CDH13: variants seen among roughly 807,000 people sequenced by gnomAD.
The protein encoded by CDH13 is cadherin 13.
CDH13 carries 24 observed loss-of-function variants against 63.8 expected under a neutral mutation model. That is an observed-to-expected ratio of 0.38 (90% CI 0.27 to 0.53). The LOEUF is 0.53. Among genes scored for constraint, CDH13 ranks in the 20% least tolerant of loss-of-function variants. The pLI is 0.85. For synonymous variants in CDH13, 503 were observed against 355.3 expected (o/e 1.42, Z -4.67); for missense variants, 1,049 against 903.1 (o/e 1.16, Z -2.07).
intron 7 of CDH13, among the ~76,000 whole-genome samples, chr16:83,533,618 CT>C (rs11365656): frequency 0.14 from 16,200 of 115,828 alleles, 829 homozygotes; most frequent in African/African-American, 0.26. Flanking sequence ...TTTACATTAT[CT>C]TTTTTTTTTT....
At chr16:83,517,120 G>T (rs1249529449) in intron 7 of CDH13, among the ~76,000 whole-genome samples, 3 of 152,206 alleles carry the variant, frequency 2.0e-5, no homozygotes, top group African/African-American at 7.2e-5. Context: ...GCTGATCCCA[G>T]AGAGACTACA....
chr16:83,366,465 G>A (rs192267806), intron 6 of CDH13, among the ~76,000 whole-genome samples: 3 of 152,212 alleles, frequency 2.0e-5, no homozygotes, highest in Admixed American at 6.5e-5. Flanking sequence ...AAGTCACATC[G>A]CTGCTTGCCA....
chr16:83,520,625 G>A (rs1187522511), intron 7 of CDH13, among the ~76,000 whole-genome samples: 5 of 152,130 alleles, frequency 3.3e-5, no homozygotes, highest in South Asian at 2.1e-4. Flanking sequence ...ATAATTTTGC[G>A]GAAGTGTTTA....
chr16:83,448,050 AG>A lies in CDH13; in HGVS notation c.782-38426del, dbSNP rs1223865040. Among the ~76,000 whole-genome samples the A allele has an allele frequency of 3.9e-5, 6 of 152,300 alleles. No individual in the cohort carries two copies. The East Asian group carries it at 1.2e-3, about 29-fold the overall frequency. Reference sequence around the variant, plus strand: ...GTACTTCCAAGGGAATGAGAGGAAAAGCACAGTGTTTAGCTGAGATAGGGGT... The same window carrying A: ...GTACTTCCAAGGGAATGAGAGGAAAACACAGTGTTTAGCTGAGATAGGGGT... On this transcript the variant is annotated intron_variant, in intron 6 of 13. Transcript: ENST00000567109.
intron 2 of CDH13, among the ~76,000 whole-genome samples, chr16:82,983,067 G>T (rs980014146): frequency 6.6e-6 from 1 of 152,120 alleles, no homozygotes; most frequent in Non-Finnish European, 1.5e-5. Flanking sequence ...TTGGGCTGAC[G>T]CTATGGTTTT....
At chr16:82,975,510 G>T (rs934348815) in intron 2 of CDH13, among the ~76,000 whole-genome samples, 1 of 152,214 alleles carries the variant, frequency 6.6e-6, no homozygotes, top group African/African-American at 2.4e-5. Context: ...TCTGCTCATA[G>T]GACTGCCATG....
At chr16:82,912,521 G>T (rs182944646) in intron 2 of CDH13, among the ~76,000 whole-genome samples, 2 of 152,208 alleles carry the variant, frequency 1.3e-5, no homozygotes, top group East Asian at 3.9e-4. Flanking sequence ...TAAAGTAAAT[G>T]AGTGATGACT....
intron 2 of CDH13, among the ~76,000 whole-genome samples, chr16:82,882,457 G>T (rs1250616821): frequency 6.6e-6 from 1 of 152,198 alleles, no homozygotes; most frequent in Non-Finnish European, 1.5e-5. Flanking sequence ...ATGCGTATCA[G>T]GCAGACCTGG....
At chr16:83,530,927 G>C (rs1268845693) in intron 7 of CDH13, among the ~76,000 whole-genome samples, 1 of 152,148 alleles carries the variant, frequency 6.6e-6, no homozygotes, top group African/African-American at 2.4e-5. Flanking sequence ...TCAAATATCG[G>C]TTCCTTCATG....
At chr16:83,297,685 G>T (rs957620940) in intron 5 of CDH13, among the ~76,000 whole-genome samples, 1 of 152,172 alleles carries the variant, frequency 6.6e-6, no homozygotes, top group African/African-American at 2.4e-5. Flanking sequence ...ACCAGTCAAG[G>T]AGATTTCAGT....
intron 8 of CDH13, among the ~76,000 whole-genome samples, chr16:83,625,802 GC>G (rs1434961472): frequency 2.0e-5 from 3 of 152,160 alleles, no homozygotes; most frequent in Non-Finnish European, 4.4e-5. Context: ...AGGTACCTCA[GC>G]CCAAAGTCTG....
chr16:83,769,949 TACATG>T (rs1357111589), intron 11 of CDH13, among the ~76,000 whole-genome samples: 3 of 152,132 alleles, frequency 2.0e-5, no homozygotes, highest in African/African-American at 7.2e-5. Context: ...TTGGTTACGG[TACATG>T]ACCTACTGCA....
At chr16:82,974,405 A>G (rs1422655152) in intron 2 of CDH13, among the ~76,000 whole-genome samples, 3 of 152,098 alleles carry the variant, frequency 2.0e-5, no homozygotes, top group Non-Finnish European at 4.4e-5. Flanking sequence ...CTGCAGCAAT[A>G]CCCTTTACGA....
At chr16:83,487,326 G>T (rs1003584277) in intron 7 of CDH13, among the ~76,000 whole-genome samples, 1 of 152,118 alleles carries the variant, frequency 6.6e-6, no homozygotes, top group South Asian at 2.1e-4. Flanking sequence ...TTTTAAAAAT[G>T]CCAATTTCCA....
chr16:83,382,243 G>C (rs1375562283), intron 6 of CDH13, among the ~76,000 whole-genome samples: 1 of 152,152 alleles, frequency 6.6e-6, no homozygotes, highest in Non-Finnish European at 1.5e-5. Flanking sequence ...ACATAATGAA[G>C]ACAAAAATGA....
At chr16:83,242,688 T>G (rs1404649967) in intron 5 of CDH13, among the ~76,000 whole-genome samples, 2 of 152,200 alleles carry the variant, frequency 1.3e-5, no homozygotes, top group African/African-American at 4.8e-5. Flanking sequence ...TGGCAATACT[T>G]GGGAAAATTC....
chr16:83,034,624 C>T (rs72794198), intron 3 of CDH13, among the ~76,000 whole-genome samples: 18,987 of 152,114 alleles, frequency 0.12, 1,309 homozygotes, highest in African/African-American at 0.19. Context: ...GGGGGTTTGC[C>T]CATGGGCTTG....
intron 1 of CDH13, among the ~76,000 whole-genome samples, chr16:82,785,667 C>T (rs995627266): frequency 6.6e-6 from 1 of 152,168 alleles, no homozygotes; most frequent in African/African-American, 2.4e-5. Flanking sequence ...CCCATGGATT[C>T]CTAATTGAGG....
chr16:83,253,461 T>C (rs1905833525), intron 5 of CDH13, among the ~76,000 whole-genome samples: 1 of 152,190 alleles, frequency 6.6e-6, no homozygotes, highest in East Asian at 1.9e-4. Flanking sequence ...TGTGTGGTCG[T>C]GTTGAGAGAA....
Sources: allele counts gnomAD v4.1 joint callset (sites outside exome capture counted in the v4.1 genomes callset), GRCh38; gene constraint gnomAD v4.1.1; transcripts MANE v1.5; gene names NCBI Gene and HGNC (gene_info 2026-07-23, HGNC 2026-07-21).